FARP2: variants seen among roughly 807,000 people sequenced by gnomAD.
The protein encoded by FARP2 is FERM, ARHGEF and pleckstrin domain-containing protein 2.
In FARP2, 111 loss-of-function variants were observed where a neutral mutation model predicts 130.5. The ratio of observed to expected loss-of-function variants is 0.85; its 90% CI spans 0.73 to 1.00. The LOEUF (loss-of-function observed/expected upper bound fraction) is 1.00. Ranked by LOEUF, FARP2 falls within the 50% of genes least tolerant of loss-of-function variation. The probability of loss-of-function intolerance (pLI) is 0.00; values close to 1 mark genes in which losing one functional copy is unlikely to be tolerated. For synonymous variants in FARP2, 504 were observed against 516.9 expected (o/e 0.98, Z 0.34); for missense variants, 1,385 against 1,346.3 (o/e 1.03, Z -0.45).
intron 7 of FARP2, among the ~76,000 whole-genome samples, chr2:241,416,441 C>G (rs1290116814): frequency 6.6e-6 from 1 of 152,054 alleles, no homozygotes; most frequent in Non-Finnish European, 1.5e-5. Flanking sequence ...CATCTTATTT[C>G]TTTTGATAAT....
intron 6 of FARP2, among the ~76,000 whole-genome samples, chr2:241,412,193 G>A (rs2062537743): frequency 6.6e-6 from 1 of 152,142 alleles, no homozygotes; most frequent in Non-Finnish European, 1.5e-5. Flanking sequence ...AGCGAGAGAG[G>A]CTTGTACAGG....
rs2063091185 is a variant in FARP2 at position 241,431,579 on chromosome 2, G to A, written c.772-100G>A. 3 of 685,590 alleles carry A rather than the reference G, an allele frequency of 4.4e-6. No homozygotes were observed. The South Asian group carries it at 5.1e-5, about 12-fold the overall frequency. 42.5% of individuals were successfully genotyped at this position (685,590 alleles called of 1,614,324 possible). ...ATATAATGGTAAAATGCCAAGTAGA[G>A]TGCTGTGTTGGCAAGGATGTAATTT... is the stretch of plus-strand genomic sequence containing the variant. On this transcript the variant is annotated intron_variant, in intron 8 of 26. Coordinates refer to ENST00000264042, the MANE Select transcript of FARP2 (RefSeq NM_014808.4).
chr2:241,402,836 TTATATATATATATATATATATA>T (rs1215612816), intron 2 of FARP2, among the ~76,000 whole-genome samples: 10 of 16,838 alleles, frequency 5.9e-4, no homozygotes, highest in South Asian at 4.9e-3. Flanking sequence ...CCCAGCTAAT[TTATATATATATATATATATATA>T]TATATATATA....
chr2:241,453,602 A>AC (rs2063743858), intron 13 of FARP2, among the ~76,000 whole-genome samples: 1 of 151,286 alleles, frequency 6.6e-6, no homozygotes, highest in African/African-American at 2.4e-5. Context: ...AGCCTGGGTG[A>AC]AAGAGCGAGA....
intron 2 of FARP2, among the ~76,000 whole-genome samples, chr2:241,383,531 G>A (rs975742388): frequency 1.3e-5 from 2 of 152,188 alleles, no homozygotes; most frequent in Non-Finnish European, 2.9e-5. Flanking sequence ...GCATCTAGGA[G>A]GGCTTCTGCT....
intron 1 of FARP2, among the ~76,000 whole-genome samples, chr2:241,360,994 G>T (rs2061172762): frequency 6.7e-6 from 1 of 149,644 alleles, no homozygotes; most frequent in Non-Finnish European, 1.5e-5. Context: ...AGGTGTTCAG[G>T]TAAATCCTGT....
intron 1 of FARP2, 183 bp from the exon 2 acceptor site, chr2:241,372,901 C>T: frequency 2.8e-6 from 1 of 353,106 alleles, no homozygotes; most frequent in Non-Finnish European, 5.1e-6. Flanking sequence ...TATGCTCCAC[C>T]TATGAGTGCC....
chr2:241,393,300 G>A (rs4675962), intron 2 of FARP2, among the ~76,000 whole-genome samples: 5,056 of 152,166 alleles, frequency 0.033, 508 homozygotes, highest in Admixed American at 0.19. Context: ...GATGAAAGAC[G>A]TGAGCCACTG....
intron 4 of FARP2, among the ~76,000 whole-genome samples, chr2:241,406,830 C>G (rs926549846): frequency 6.6e-6 from 1 of 151,690 alleles, no homozygotes; most frequent in East Asian, 1.9e-4. Context: ...TTTTTTGAGA[C>G]GGAGTCTCGC....
intron 14 of FARP2, among the ~76,000 whole-genome samples, chr2:241,457,504 A>G (rs12622283): frequency 0.052 from 2,479 of 47,552 alleles, 3 homozygotes; most frequent in East Asian, 0.1. Context: ...TGGGCGGGAG[A>G]CCCAGTGTAG....
intron 1 of FARP2, among the ~76,000 whole-genome samples, chr2:241,359,358 T>C (rs548713266): frequency 6.6e-6 from 1 of 152,332 alleles, no homozygotes; most frequent in African/African-American, 2.4e-5. Flanking sequence ...CCCATCCTCC[T>C]GATTGCTTCC....
intron 14 of FARP2, among the ~76,000 whole-genome samples, chr2:241,458,826 A>G (rs1035862032): frequency 6.6e-6 from 1 of 152,240 alleles, no homozygotes; most frequent in Non-Finnish European, 1.5e-5. Flanking sequence ...GCTGGTGGCA[A>G]GTGGCCCTGG....
At chr2:241,469,736 C>T (rs543000027) in intron 18 of FARP2, among the ~76,000 whole-genome samples, 1 of 152,340 alleles carries the variant, frequency 6.6e-6, no homozygotes, top group African/African-American at 2.4e-5. Flanking sequence ...TGGGCCCGGG[C>T]CACCAGGGAA....
At chr2:241,454,849 A>G (rs2063789376) in intron 13 of FARP2, among the ~76,000 whole-genome samples, 1 of 152,242 alleles carries the variant, frequency 6.6e-6, no homozygotes, top group Admixed American at 6.5e-5. Flanking sequence ...AAAATTCCAG[A>G]GGAAAGCTCT....
intron 1 of FARP2, among the ~76,000 whole-genome samples, chr2:241,371,566 G>A (rs986705516): frequency 6.6e-6 from 1 of 152,226 alleles, no homozygotes; most frequent in Non-Finnish European, 1.5e-5. Flanking sequence ...GAGACTCGGA[G>A]CAATTAAGTT....
intron 6 of FARP2, among the ~76,000 whole-genome samples, chr2:241,412,330 G>T (rs986737347): frequency 1.3e-5 from 2 of 152,142 alleles, no homozygotes; most frequent in African/African-American, 4.8e-5. Context: ...AGTGGGACTT[G>T]TGGGAGTTAT....
chr2:241,424,620 T>G (rs894508467), intron 8 of FARP2, among the ~76,000 whole-genome samples: 7 of 152,078 alleles, frequency 4.6e-5, no homozygotes, highest in Non-Finnish European at 1.0e-4. Context: ...AGAGCTGAAC[T>G]GAAGAGATAG....
In FARP2 at chr2:241,441,430, C is replaced by T; in HGVS notation, c.1285C>T (p.Leu429Phe). 1 of 1,614,248 alleles carries T rather than the reference C, an allele frequency of 6.2e-7. No homozygotes were observed. The highest frequency in any genetic ancestry group is 8.5e-7 in the Non-Finnish European group (1 of 1,180,050). Residue 429 changes from leucine (L) to phenylalanine (F), a missense_variant, in exon 13 of 27, where the codon CTC (leucine) becomes TTC (phenylalanine). By Grantham distance (22) the Leu-to-Phe change is conservative. Transcript: ENST00000264042. ...AGAGTTTAAGGACAGCAGCAGCTCC[C>T]TCACAGATCCCCAGGTTTCCTACGT... is the stretch of plus-strand genomic sequence containing the variant. Reference protein sequence around the residue: ...LPEFKDSSSSLTDPQVSYVKS... With the variant: ...LPEFKDSSSSFTDPQVSYVKS...
Position 241,394,537 on chromosome 2 carries a change from CAT to C in FARP2, c.184-9290_184-9289del, listed in dbSNP as rs765569015. Among the ~76,000 whole-genome samples the C allele has an allele frequency of 7.3e-4, 107 of 146,022 alleles. 1 individual carries two copies. Among genetic ancestry groups the C allele is most frequent in the African/African-American group, 2.2e-3 (88 of 40,384 alleles). On this transcript the variant is annotated intron_variant, in intron 2 of 26. Coordinates refer to ENST00000264042, the MANE Select transcript of FARP2 (RefSeq NM_014808.4). ...CATCTCAAAAAAAAAAAAAAAAAGA[CAT>C]GTGACTGATACAAGTGACACTGAAA... is the stretch of plus-strand genomic sequence containing the variant.
Sources: allele counts gnomAD v4.1 joint callset (sites outside exome capture counted in the v4.1 genomes callset), GRCh38; gene constraint gnomAD v4.1.1; transcripts MANE v1.5; gene names NCBI Gene and HGNC (gene_info 2026-07-23, HGNC 2026-07-21).